LRRTM4: variants seen among roughly 807,000 people sequenced by gnomAD.
The protein encoded by LRRTM4 is leucine-rich repeat transmembrane neuronal protein 4.
Under a neutral mutation model 47.6 loss-of-function variants are expected in LRRTM4, and 25 were observed. The observed-to-expected ratio is 0.53, with a 90% CI of 0.38 to 0.73. The LOEUF is 0.73. Ranked by LOEUF, LRRTM4 falls within the 30% of genes least tolerant of loss-of-function variation. The probability of loss-of-function intolerance (pLI) is 0.00; values close to 1 mark genes in which losing one functional copy is unlikely to be tolerated. For missense variants in LRRTM4, 638 were observed against 713.4 expected (o/e 0.89, Z 1.20); for synonymous variants, 311 against 269.5 (o/e 1.15, Z -1.51).
chr2:77,415,489 G>C (rs1674602337), intron 3 of LRRTM4, among the ~76,000 whole-genome samples: 1 of 151,988 alleles, frequency 6.6e-6, no homozygotes, highest in South Asian at 2.1e-4. Context: ...TAAATTCCAT[G>C]GATCAATTAA....
At chr2:76,916,751 A>G (rs1327429176) in intron 3 of LRRTM4, among the ~76,000 whole-genome samples, 1 of 152,116 alleles carries the variant, frequency 6.6e-6, no homozygotes, top group African/African-American at 2.4e-5. Context: ...TAGATCCACA[A>G]AACTCCGATG....
intron 3 of LRRTM4, among the ~76,000 whole-genome samples, chr2:77,194,683 A>AT (rs970584253): frequency 6.6e-6 from 1 of 152,118 alleles, no homozygotes; most frequent in African/African-American, 2.4e-5. Flanking sequence ...AGCCTTATAA[A>AT]TCTTGCAAAA....
At position 77,351,614 on chromosome 2, in the gene LRRTM4, T is replaced by TTATATATATATATATATA. The variant is rs71656252; in HGVS notation, c.1551+166686_1551+166703dup. Among the ~76,000 whole-genome samples the TTATATATATATATATATA allele has an allele frequency of 3.5e-3, 478 of 135,308 alleles. 11 individuals carry two copies. The highest frequency in any genetic ancestry group is 0.013 in the African/African-American group (446 of 35,582). 88.8% of individuals were successfully genotyped at this position (135,308 alleles called of 152,430 possible). A position where few individuals can be genotyped will look rare whatever the true frequency, so the allele number is the denominator to read the frequency against. ...ATGCTTTTGTGAAACCATGACAAAT[T>TTATATATATATATATATA]TATATATATATATATATATATATAT... On this transcript the variant is annotated intron_variant, in intron 3 of 3. Transcript: ENST00000409884.
intron 3 of LRRTM4, among the ~76,000 whole-genome samples, chr2:77,360,418 A>C (rs1157619822): frequency 6.6e-6 from 1 of 152,062 alleles, no homozygotes. Context: ...GATCACGGCC[A>C]CTGCACTGTA....
chr2:77,129,108 AG>A (rs1446291303), intron 3 of LRRTM4, among the ~76,000 whole-genome samples: 2 of 152,186 alleles, frequency 1.3e-5, no homozygotes, highest in Non-Finnish European at 2.9e-5. Context: ...TCTTACACAA[AG>A]CTTCCAGGCA....
At chr2:77,464,510 CT>C (rs538491984) in intron 3 of LRRTM4, among the ~76,000 whole-genome samples, 3 of 151,088 alleles carry the variant, frequency 2.0e-5, no homozygotes, top group African/African-American at 7.3e-5. Context: ...GAGCTATTTC[CT>C]TTTTTTTCAA....
intron 3 of LRRTM4, among the ~76,000 whole-genome samples, chr2:76,767,692 C>G (rs1208135983): frequency 6.9e-6 from 1 of 144,076 alleles, no homozygotes. Flanking sequence ...TTCATTTTCT[C>G]TTTCTTTTAC....
intron 3 of LRRTM4, among the ~76,000 whole-genome samples, chr2:77,226,979 A>C (rs1412808713): frequency 3.3e-5 from 5 of 151,988 alleles, no homozygotes; most frequent in Non-Finnish European, 7.4e-5. Flanking sequence ...ATGTTGCCTT[A>C]TACTCTACTA....
At chr2:77,016,164 G>C (rs1678061006) in intron 3 of LRRTM4, among the ~76,000 whole-genome samples, 1 of 152,034 alleles carries the variant, frequency 6.6e-6, no homozygotes, top group African/African-American at 2.4e-5. Flanking sequence ...AAGGAGGGCA[G>C]ATCAAGAGGT....
intron 3 of LRRTM4, among the ~76,000 whole-genome samples, chr2:77,476,382 A>G (rs1207504988): frequency 6.6e-6 from 1 of 152,120 alleles, no homozygotes; most frequent in Non-Finnish European, 1.5e-5. Context: ...ATGAATAAGA[A>G]ATTCAAATTG....
chr2:77,036,092 A>T (rs1363931142), intron 3 of LRRTM4, among the ~76,000 whole-genome samples: 1 of 151,862 alleles, frequency 6.6e-6, no homozygotes, highest in African/African-American at 2.4e-5. Flanking sequence ...ACTTATGCAT[A>T]TGCATGAGTA....
intron 3 of LRRTM4, among the ~76,000 whole-genome samples, chr2:77,033,859 T>A (rs907084957): frequency 6.6e-6 from 1 of 152,008 alleles, no homozygotes; most frequent in East Asian, 1.9e-4. Flanking sequence ...ATTACTTAAA[T>A]GTTAAATAAA....
At chr2:76,815,117 TAAGAA>T (rs1051655480) in intron 3 of LRRTM4, among the ~76,000 whole-genome samples, 3 of 151,744 alleles carry the variant, frequency 2.0e-5, no homozygotes, top group African/African-American at 7.3e-5. Context: ...CTATTAAAAA[TAAGAA>T]AAGAAATAAA....
intron 3 of LRRTM4, among the ~76,000 whole-genome samples, chr2:77,386,450 A>G (rs973608665): frequency 6.6e-6 from 1 of 152,116 alleles, no homozygotes; most frequent in African/African-American, 2.4e-5. Context: ...ACATAAACTC[A>G]TTATTTTTTA....
intron 3 of LRRTM4, among the ~76,000 whole-genome samples, chr2:77,501,560 A>G (rs1261437071): frequency 6.6e-6 from 1 of 151,004 alleles, no homozygotes. Context: ...GTGAATAGTT[A>G]TTTACTATTT....
At chr2:76,950,801 G>T (rs1675468844) in intron 3 of LRRTM4, among the ~76,000 whole-genome samples, 1 of 151,850 alleles carries the variant, frequency 6.6e-6, no homozygotes, top group African/African-American at 2.4e-5. Context: ...TTTTAGAAAG[G>T]GTTCAGCCAT....
chr2:76,795,368 C>T (rs1675223201), intron 3 of LRRTM4, among the ~76,000 whole-genome samples: 1 of 148,746 alleles, frequency 6.7e-6, no homozygotes, highest in Non-Finnish European at 1.5e-5. Context: ...ATTTAACCAA[C>T]TTTATATAAG....
chr2:77,335,809 T>C (rs1195107743), intron 3 of LRRTM4, among the ~76,000 whole-genome samples: 1 of 152,146 alleles, frequency 6.6e-6, no homozygotes, highest in Non-Finnish European at 1.5e-5. Flanking sequence ...ATTAGGCTCA[T>C]TCTTATAATT....
intron 3 of LRRTM4, among the ~76,000 whole-genome samples, chr2:77,136,268 C>A (rs1447247158): frequency 3.9e-4 from 60 of 152,202 alleles, no homozygotes; most frequent in Non-Finnish European, 1.3e-4. Context: ...GGGTACCCCT[C>A]TGAGACAAAG....
Sources: allele counts gnomAD v4.1 joint callset (sites outside exome capture counted in the v4.1 genomes callset), GRCh38; gene constraint gnomAD v4.1.1; transcripts MANE v1.5; gene names NCBI Gene and HGNC (gene_info 2026-07-23, HGNC 2026-07-21).